Variants in ITGA2 observed in about 807,000 individuals in gnomAD.
ITGA2 encodes the protein integrin subunit alpha 2.
In ITGA2, 101 loss-of-function variants were observed where a neutral mutation model predicts 146.3. That is an observed-to-expected ratio of 0.69 (90% CI 0.59 to 0.81). The LOEUF (loss-of-function observed/expected upper bound fraction) is 0.81, where lower values mean the gene tolerates loss of function less well. Among genes scored for constraint, ITGA2 ranks in the 40% least tolerant of loss-of-function variants. The pLI, the probability that ITGA2 is intolerant of heterozygous loss-of-function variation, is 0.00. For missense variants in ITGA2, 1,281 were observed against 1,402.7 expected (o/e 0.91, Z 1.39); for synonymous variants, 477 against 487.1 (o/e 0.98, Z 0.27).
intron 6 of ITGA2, among the ~76,000 whole-genome samples, chr5:53,049,500 CAG>C (rs1744254277): frequency 1.5e-5 from 2 of 133,314 alleles, no homozygotes; most frequent in Non-Finnish European, 3.3e-5. Flanking sequence ...AGCATAGTTC[CAG>C]CATTTATGAT....
At position 53,012,707 on chromosome 5, in the gene ITGA2, C is replaced by G. The variant is rs571767858; in HGVS notation, c.65-14041C>G. On this transcript the variant is annotated intron_variant, in intron 1 of 29. Coordinates refer to ENST00000296585, the MANE Select transcript of ITGA2 (RefSeq NM_002203.4). ...TTTCCACAATGGTAGAACTAATTTA[C>G]GTTCCCACCAGCAGTTTATAAGTGA... Among the ~76,000 whole-genome samples, 17 of 152,302 alleles carry G rather than the reference C, an allele frequency of 1.1e-4. 1 individual carries two copies. The highest frequency in any genetic ancestry group is 4.1e-4 in the African/African-American group (17 of 41,578).
intron 10 of ITGA2, 137 bp downstream of exon 10, chr5:53,058,238 C>T (rs1265383562): frequency 1.5e-5 from 11 of 720,016 alleles, no homozygotes; most frequent in Non-Finnish European, 2.5e-5. Context: ...CATTTAGTTT[C>T]TTTGTGCTGC....
intron 2 of ITGA2, among the ~76,000 whole-genome samples, chr5:53,037,830 C>A (rs1396915689): frequency 6.6e-6 from 1 of 152,146 alleles, no homozygotes; most frequent in Non-Finnish European, 1.5e-5. Flanking sequence ...CCAAAGTGGT[C>A]TGGTTTTCCA....
chr5:53,071,883 G>A, intron 17 of ITGA2, 55 bp from the exon 18 acceptor site: 1 of 1,246,268 alleles, frequency 8.0e-7, no homozygotes, highest in Non-Finnish European at 1.2e-6. Flanking sequence ...ATGTTGCTAT[G>A]CTCTAATAAA....
chr5:53,003,614 G>T (rs1229926501), intron 1 of ITGA2, among the ~76,000 whole-genome samples: 1 of 152,028 alleles, frequency 6.6e-6, no homozygotes, highest in Non-Finnish European at 1.5e-5. Context: ...AGAATGGATG[G>T]GCTTTTATAA....
Position 53,081,485 on chromosome 5 carries a change from G to A in ITGA2, c.3040-107G>A, listed in dbSNP as rs1026167784. The A allele has an allele frequency of 2.0e-5, 17 of 829,296 alleles. No homozygotes were observed. In the East Asian group the frequency reaches 4.0e-4, roughly 19 times the overall value. 51.4% of individuals were successfully genotyped at this position (829,296 alleles called of 1,614,324 possible). Reference sequence around the variant, plus strand: ...CAGTGGCGTTGAAAGAAGCCTAACAGCCCTTCCCAGACCCCTACAAGTGAC... The same window carrying A: ...CAGTGGCGTTGAAAGAAGCCTAACAACCCTTCCCAGACCCCTACAAGTGAC... On this transcript the variant is annotated intron_variant, in intron 25 of 29. Coordinates refer to ENST00000296585, the MANE Select transcript of ITGA2 (RefSeq NM_002203.4).
chr5:52,989,814 G>GCGCACACA (rs1554050585), intron 1 of ITGA2, among the ~76,000 whole-genome samples: 28 of 145,976 alleles, frequency 1.9e-4, no homozygotes, highest in African/African-American at 7.0e-4. Flanking sequence ...GTACACACAC[G>GCGCACACA]CACACACACA....
At chr5:53,059,639 G>C (rs935608670) in intron 10 of ITGA2, among the ~76,000 whole-genome samples, 1 of 151,916 alleles carries the variant, frequency 6.6e-6, no homozygotes, top group African/African-American at 2.4e-5. Flanking sequence ...TATTACAAAG[G>C]TTTGTCTGTA....
chr5:53,033,084 A>G (rs1390681795), intron 2 of ITGA2, among the ~76,000 whole-genome samples: 5 of 152,180 alleles, frequency 3.3e-5, no homozygotes, highest in African/African-American at 9.7e-5. Flanking sequence ...TCTGGCTAAC[A>G]TGGTGAAACC....
At chr5:53,014,813 G>A (rs1183622626) in intron 1 of ITGA2, among the ~76,000 whole-genome samples, 1 of 151,872 alleles carries the variant, frequency 6.6e-6, no homozygotes, top group African/African-American at 2.4e-5. Context: ...TTTCTTTGTG[G>A]TTCAATATTA....
intron 1 of ITGA2, among the ~76,000 whole-genome samples, chr5:53,006,030 G>A (rs150786080): frequency 1.1e-4 from 17 of 152,182 alleles, no homozygotes; most frequent in African/African-American, 2.9e-4. Flanking sequence ...CATGGACCCC[G>A]GGAGGGGAAC....
At chr5:53,076,703 G>A (rs1745679432) in intron 23 of ITGA2, among the ~76,000 whole-genome samples, 2 of 151,818 alleles carry the variant, frequency 1.3e-5, no homozygotes, top group Admixed American at 1.3e-4. Context: ...AGATATTTAA[G>A]AATGAAATAA....
rs192157008 is a variant in ITGA2 at position 53,005,890 on chromosome 5, A to G, written c.64+16358A>G. On this transcript the variant is annotated intron_variant, in intron 1 of 29. Coordinates refer to ENST00000296585, the MANE Select transcript of ITGA2 (RefSeq NM_002203.4). ...AGGCCAAGCTCTTAGGCACTGCGAT[A>G]TACTACTGGCTTTGCTCAGTAAATG... Among the ~76,000 whole-genome samples the G allele has an allele frequency of 3.5e-3, 536 of 152,328 alleles. 8 individuals are homozygous for G. The highest frequency in any genetic ancestry group is 3.1e-3 in the Non-Finnish European group (214 of 68,026).
intron 6 of ITGA2, 117 bp downstream of exon 6, chr5:53,048,887 G>T (rs1413778728): frequency 1.7e-6 from 2 of 1,147,214 alleles, no homozygotes; most frequent in Non-Finnish European, 2.5e-6. Context: ...GCATTTGATG[G>T]TAGTTTTTAA....
In ITGA2 at chr5:53,065,202, G is replaced by A. The variant is rs1036990752; in HGVS notation, c.1806+87G>A. ...AAGCGTCATGTAAACCATGCAATCC[G>A]TCCGCCTTATTTTGTAACTTCATTC... On this transcript the variant is annotated intron_variant, in intron 14 of 29. Coordinates refer to ENST00000296585, the MANE Select transcript of ITGA2 (RefSeq NM_002203.4). 6.7e-5 allele frequency: 87 copies of A among 1,304,270 alleles called. No individual in the cohort carries two copies. The East Asian group carries it at 6.8e-4, about 10-fold the overall frequency. The allele number at this position is 1,304,270 out of a possible 1,614,324, so 80.8% of individuals were successfully genotyped here. A position where few individuals can be genotyped will look rare whatever the true frequency, so the allele number is the denominator to read the frequency against.
Position 53,051,494 on chromosome 5 carries a change from A to AACATCCCAG in ITGA2, c.723_731dup (p.Thr242_Gln244dup). On this transcript the variant is annotated inframe_insertion, in exon 7 of 30. Coordinates refer to ENST00000296585, the MANE Select transcript of ITGA2 (RefSeq NM_002203.4). ...AAACCAAAGAAGAAATGATTGTAGC[A>AACATCCCAG]ACATCCCAGACATCCCAATATGGTG... 6.2e-7 allele frequency: 1 copy of AACATCCCAG among 1,613,676 alleles called. No individual in the cohort carries two copies.
In ITGA2 at chr5:53,071,940, GC is replaced by G. The variant is rs1745418544; in HGVS notation, c.2241del (p.Ser748LeufsTer52). 1.2e-6 allele frequency: 2 copies of G among 1,610,348 alleles called. No individual in the cohort carries two copies. The highest frequency in any genetic ancestry group is 1.7e-6 in the Non-Finnish European group (2 of 1,177,238). ...CPEHIIYIQE[P>X]SDVVNSLDLR... ...TGTTTGTGTGTGTGTATGTTTAGGAGCCCTCTGATGTTGTCAACTCTTTGGA... is the reference window on the plus strand; with the variant it reads ...TGTTTGTGTGTGTGTATGTTTAGGAGCCTCTGATGTTGTCAACTCTTTGGA... On this transcript the variant is annotated frameshift_variant, in exon 18 of 30. Coordinates refer to ENST00000296585, the MANE Select transcript of ITGA2 (RefSeq NM_002203.4). LOFTEE classifies it high-confidence loss of function.
chr5:53,072,141 G>A, intron 18 of ITGA2, 93 bp downstream of exon 18: 1 of 883,828 alleles, frequency 1.1e-6, no homozygotes, highest in Admixed American at 2.0e-5. Flanking sequence ...GATGCAGCCT[G>A]AAAATTCTTA....
rs549831711 is a variant in ITGA2, at chr5:53,078,366, A to AT, written c.2826-406_2826-405insT. On this transcript the variant is annotated intron_variant, in intron 23 of 29. Coordinates refer to ENST00000296585, the MANE Select transcript of ITGA2 (RefSeq NM_002203.4). ...ATTATATTTTAGCCACACCAAAGTG[A>AT]AAACCCCTGGCTTATAAATCCATTC... Among the ~76,000 whole-genome samples, 22 of 152,252 alleles carry AT rather than the reference A, an allele frequency of 1.4e-4. No individual in the cohort carries two copies. In the East Asian group the frequency reaches 4.3e-3, roughly 30 times the overall value.
Sources: allele counts gnomAD v4.1 joint callset (sites outside exome capture counted in the v4.1 genomes callset), GRCh38; gene constraint gnomAD v4.1.1; transcripts MANE v1.5; gene names NCBI Gene and HGNC (gene_info 2026-07-23, HGNC 2026-07-21).